ITGAE: variants seen among roughly 807,000 people sequenced by gnomAD.
ITGAE encodes the protein integrin alpha-E.
A neutral mutation model predicts 136.5 loss-of-function variants in ITGAE; 99 were observed. The ratio of observed to expected loss-of-function variants is 0.73; its 90% CI spans 0.62 to 0.86. The LOEUF (loss-of-function observed/expected upper bound fraction) is 0.86, where lower values mean the gene tolerates loss of function less well. ITGAE is among the 40% of genes least tolerant of loss of function. The pLI is 0.00. For synonymous variants in ITGAE, 613 were observed against 591.8 expected, an observed-to-expected ratio of 1.04 and a Z score of -0.52; for missense variants, 1,447 against 1,515.3, an observed-to-expected ratio of 0.95 and a Z score of 0.75.
Position 3,753,864 on chromosome 17 carries a change from C to G in ITGAE, c.1446G>C (p.Arg482=). The G allele has an allele frequency of 6.2e-7, 1 of 1,614,152 alleles. No individual in the cohort carries two copies. The highest frequency in any genetic ancestry group is 1.1e-5 in the South Asian group (1 of 91,092). The change falls in exon 13 of 31, where the codon CGG becomes CGC. Residue 482 remains arginine, a synonymous_variant. Coordinates refer to ENST00000263087, the MANE Select transcript of ITGAE (RefSeq NM_002208.5). ...CAAACACGGCCCCATGATGTTTGTA[C>G]CGTGGAGCCCCCGCGATGTAGGAGA... ...CSLSYIAGAP[R]YKHHGAVFEL...
chr17:3,751,095 G>A (rs535775724), intron 15 of ITGAE, among the ~76,000 whole-genome samples: 1 of 152,116 alleles, frequency 6.6e-6, no homozygotes, highest in East Asian at 1.9e-4. Flanking sequence ...GTGTGGAGGG[G>A]GATGAGGTCT....
chr17:3,783,255 C>T (rs1025101961), intron 1 of ITGAE, among the ~76,000 whole-genome samples: 1 of 152,206 alleles, frequency 6.6e-6, no homozygotes, highest in African/African-American at 2.4e-5. Context: ...ATTCTCCTGC[C>T]TCAGTCTCCG....
At position 3,798,805 on chromosome 17, in the gene ITGAE, C is replaced by T. The variant is rs942679301; in HGVS notation, c.34+2306G>A. Reference sequence around the variant, plus strand: ...GAGTTGATGTGACTGCAGAATGAGTCAGGGGTGAAGACTGACTTGGGGACA... The same window carrying T: ...GAGTTGATGTGACTGCAGAATGAGTTAGGGGTGAAGACTGACTTGGGGACA... On this transcript the variant is annotated intron_variant, in intron 1 of 30. Transcript: ENST00000263087. The surrounding 1 kb of genome is among the most constrained non-coding windows in gnomAD (Gnocchi z 4.3). Among the ~76,000 whole-genome samples, 2 of 152,224 alleles carry T rather than the reference C, an allele frequency of 1.3e-5. No homozygotes were observed. Among genetic ancestry groups the T allele is most frequent in the Admixed American group, 1.3e-4 (2 of 15,276 alleles).
chr17:3,725,145 AG>A, intron 26 of ITGAE: 1 of 1,614,196 alleles, frequency 6.2e-7, no homozygotes, highest in Non-Finnish European at 8.5e-7. Context: ...AGAGGTCTGC[AG>A]CATCTATACC....
At chr17:3,767,341 A>T (rs1481870374) in intron 2 of ITGAE, among the ~76,000 whole-genome samples, 1 of 150,950 alleles carries the variant, frequency 6.6e-6, no homozygotes, top group Non-Finnish European at 1.5e-5. Flanking sequence ...CAGGTGATCC[A>T]CTCACTTCGG....
chr17:3,762,331 C>T (rs2052193113), intron 3 of ITGAE, among the ~76,000 whole-genome samples: 1 of 152,146 alleles, frequency 6.6e-6, no homozygotes, highest in Non-Finnish European at 1.5e-5. Flanking sequence ...AGAAGCACTG[C>T]CTGGTGGGTA....
rs567402979 is a variant in ITGAE at position 3,783,440 on chromosome 17, A to C, written c.35-5780T>G. Among the ~76,000 whole-genome samples the C allele has an allele frequency of 2.0e-5, 3 of 152,286 alleles. No individual in the cohort carries two copies. In the South Asian group the frequency reaches 6.2e-4, roughly 32 times the overall value. ...ATTACAGGCGTGAGCCACCGCGCCT[A>C]GCCCCCACTGTCAAATCTTGTCTTC... is the stretch of plus-strand genomic sequence containing the variant. On this transcript the variant is annotated intron_variant, in intron 1 of 30. Coordinates refer to ENST00000263087, the MANE Select transcript of ITGAE (RefSeq NM_002208.5).
chr17:3,720,300 G>C lies in ITGAE; in HGVS notation c.3333+7C>G. On this transcript the variant is annotated splice_region_variant and intron_variant, in intron 29 of 30. Transcript: ENST00000263087. ...TGGGCACTACTCAGAAGCCAGCCAGGAATTACCTTAGTTCTGTGGTTCTCT... is the reference window on the plus strand; with the variant it reads ...TGGGCACTACTCAGAAGCCAGCCAGCAATTACCTTAGTTCTGTGGTTCTCT... The C allele has an allele frequency of 6.9e-7, 1 of 1,451,860 alleles. No individual in the cohort carries two copies. Among genetic ancestry groups the C allele is most frequent in the Non-Finnish European group, 9.7e-7 (1 of 1,032,982 alleles). The allele number at this position is 1,451,860 out of a possible 1,614,324, so 89.9% of individuals were successfully genotyped here.
At chr17:3,716,083 G>C (rs1379923630) in intron 30 of ITGAE, among the ~76,000 whole-genome samples, 1 of 151,944 alleles carries the variant, frequency 6.6e-6, no homozygotes, top group African/African-American at 2.4e-5. Flanking sequence ...CTTGAACCCG[G>C]GGTCAGGGTG....
At chr17:3,746,441 CT>C (rs891117980) in intron 17 of ITGAE, among the ~76,000 whole-genome samples, 9 of 147,658 alleles carry the variant, frequency 6.1e-5, no homozygotes, top group East Asian at 2.0e-4. Context: ...CTGTTATTTT[CT>C]TTTTTTTTTC....
intron 5 of ITGAE, 78 bp downstream of exon 5, chr17:3,761,325 C>T (rs915002591): frequency 1.0e-5 from 16 of 1,541,140 alleles, no homozygotes; most frequent in South Asian, 2.5e-5. Flanking sequence ...CTGCATCTGC[C>T]GTGAGCTGGT....
chr17:3,789,740 A>T (rs778678839), intron 1 of ITGAE, among the ~76,000 whole-genome samples: 1 of 152,030 alleles, frequency 6.6e-6, no homozygotes, highest in African/African-American at 2.4e-5. Context: ...ATCTCAAGTA[A>T]TCTGCCCCCA....
chr17:3,745,674 G>C, intron 18 of ITGAE, 90 bp downstream of exon 18: 1 of 1,241,802 alleles, frequency 8.1e-7, no homozygotes. Context: ...TCATTTGTAG[G>C]TCTGGGTATG....
chr17:3,752,016 C>T, intron 14 of ITGAE, 142 bp from the exon 15 acceptor site: 1 of 727,142 alleles, frequency 1.4e-6, no homozygotes, highest in Non-Finnish European at 2.3e-6. Flanking sequence ...CGGTGGGTTC[C>T]CACTCCATTG....
At chr17:3,761,359 A>C (rs760712376) in intron 5 of ITGAE, 44 bp downstream of exon 5, 18 of 1,561,454 alleles carry the variant, frequency 1.2e-5, no homozygotes, top group Non-Finnish European at 1.5e-5. Context: ...GACCAAGGAG[A>C]TCTCTTTAGA....
chr17:3,743,312 C>T (rs769926329), intron 19 of ITGAE, among the ~76,000 whole-genome samples, 177 bp downstream of exon 19: 57 of 152,234 alleles, frequency 3.7e-4, no homozygotes, highest in Non-Finnish European at 6.0e-4. Context: ...TCCTCACTCA[C>T]GGGGACACAT....
intron 1 of ITGAE, among the ~76,000 whole-genome samples, chr17:3,795,556 G>T (rs955810451): frequency 1.3e-5 from 2 of 152,200 alleles, no homozygotes; most frequent in African/African-American, 4.8e-5. Context: ...CTCAGATTCT[G>T]TGTTTATGCC....
chr17:3,751,550 G>T (rs1248402147), intron 15 of ITGAE, 100 bp downstream of exon 15: 2 of 1,090,154 alleles, frequency 1.8e-6, no homozygotes, highest in Non-Finnish European at 2.7e-6. Flanking sequence ...CCCGAGACCT[G>T]CCCAGCACTT....
rs377183710 is a variant in ITGAE at position 3,723,479 on chromosome 17, A to AATAGAGGGTG, written c.3142-106_3142-97dup. ...GACACAGAGCATCGTAAGGTCCCAG[A>AATAGAGGGTG]ATAGAGGGTGTGAGCAATTTCAGCG... On this transcript the variant is annotated intron_variant, in intron 27 of 30. Transcript: ENST00000263087. 7.6e-6 allele frequency: 8 copies of AATAGAGGGTG among 1,058,880 alleles called. 1 individual carries two copies. In the African/African-American group the frequency reaches 7.8e-5, roughly 10 times the overall value. The allele number at this position is 1,058,880 out of a possible 1,614,324, so 65.6% of individuals were successfully genotyped here. A position where few individuals can be genotyped will look rare whatever the true frequency, so the allele number is the denominator to read the frequency against.
Sources: allele counts gnomAD v4.1 joint callset (sites outside exome capture counted in the v4.1 genomes callset), GRCh38; gene constraint gnomAD v4.1.1; non-coding constraint Gnocchi (gnomAD v3.1); transcripts MANE v1.5; gene names NCBI Gene and HGNC (gene_info 2026-07-23, HGNC 2026-07-21).